Variants in IDO2 observed in about 807,000 individuals in gnomAD.
IDO2 encodes indoleamine 2,3-dioxygenase-like 1 protein.
IDO2 carries 46 observed loss-of-function variants against 45.1 expected under a neutral mutation model. That is an observed-to-expected ratio of 1.02 (90% CI 0.80 to 1.30). The LOEUF is 1.30. IDO2 is among the 50% of genes most tolerant of loss of function. The pLI, the probability that IDO2 is intolerant of heterozygous loss-of-function variation, is 0.00. For missense variants in IDO2, 544 were observed against 491.8 expected, an observed-to-expected ratio of 1.11 and a Z score of -1.00; for synonymous variants, 218 against 184.9, an observed-to-expected ratio of 1.18 and a Z score of -1.45.
intron 9 of IDO2, among the ~76,000 whole-genome samples, chr8:40,006,946 C>T (rs771388437): frequency 1.3e-5 from 2 of 152,120 alleles, no homozygotes; most frequent in Non-Finnish European, 2.9e-5. Flanking sequence ...CAGGCTTGAG[C>T]CACCACGTCT....
chr8:39,980,907 G>T (rs1294950517), intron 4 of IDO2, among the ~76,000 whole-genome samples: 1 of 151,672 alleles, frequency 6.6e-6, no homozygotes, highest in African/African-American at 2.4e-5. Context: ...CTGCCGCCAC[G>T]GCCAGCTAAT....
chr8:40,011,022 T>C (rs1409707830), intron 9 of IDO2, among the ~76,000 whole-genome samples: 4 of 152,188 alleles, frequency 2.6e-5, no homozygotes, highest in Non-Finnish European at 4.4e-5. Context: ...GCGATACTCC[T>C]GCCTCAGCCT....
intron 1 of IDO2, among the ~76,000 whole-genome samples, chr8:39,943,548 T>C (rs1807680985): frequency 6.6e-6 from 1 of 151,832 alleles, no homozygotes; most frequent in African/African-American, 2.4e-5. Flanking sequence ...CCATCCTGGC[T>C]AACACAGTGA....
At chr8:39,943,907 A>G (rs1244034667) in intron 1 of IDO2, among the ~76,000 whole-genome samples, 1 of 152,176 alleles carries the variant, frequency 6.6e-6, no homozygotes, top group East Asian at 1.9e-4. Context: ...GGGGAAGTGG[A>G]TAATTGAGAA....
intron 1 of IDO2, among the ~76,000 whole-genome samples, chr8:39,948,639 A>G (rs1807773309): frequency 6.6e-6 from 1 of 152,192 alleles, no homozygotes; most frequent in Non-Finnish European, 1.5e-5. Context: ...AGAGAACATG[A>G]GGAAACTTGG....
chr8:39,957,258 T>C (rs957947893), intron 2 of IDO2, among the ~76,000 whole-genome samples: 1 of 152,094 alleles, frequency 6.6e-6, no homozygotes, highest in African/African-American at 2.4e-5. Flanking sequence ...CCTTGTTTCC[T>C]TATTTCCATT....
intron 1 of IDO2, among the ~76,000 whole-genome samples, chr8:39,936,594 A>G (rs1807555406): frequency 6.6e-6 from 1 of 152,234 alleles, no homozygotes; most frequent in Non-Finnish European, 1.5e-5. Flanking sequence ...TATATACCAC[A>G]GGGAAAGACA....
At chr8:39,972,243 A>G (rs77502239) in intron 3 of IDO2, among the ~76,000 whole-genome samples, 1 of 150,734 alleles carries the variant, frequency 6.6e-6, no homozygotes, top group Non-Finnish European at 1.5e-5. Context: ...TTGAAATGAT[A>G]AAAAAAAATT....
exon 11 of IDO2, chr8:40,016,121 A>G: frequency 2.5e-6 from 1 of 394,296 alleles, no homozygotes; most frequent in Non-Finnish European, 4.5e-6. Flanking sequence ...AGATGGGAAG[A>G]TAGAGGATGC....
intron 2 of IDO2, among the ~76,000 whole-genome samples, chr8:39,958,066 C>T (rs139567123): frequency 0.012 from 1,890 of 151,614 alleles, 45 homozygotes; most frequent in African/African-American, 0.043. Context: ...CCACCATGCC[C>T]GGCTCATTTT....
In IDO2 at chr8:39,998,652, T is replaced by C. The variant is rs554005182; in HGVS notation, c.668-6675T>C. Among the ~76,000 whole-genome samples the C allele has an allele frequency of 0.013, 1,950 of 147,476 alleles. 125 individuals are homozygous for C. In the East Asian group the frequency reaches 0.16, roughly 12 times the overall value. On this transcript the variant is annotated intron_variant, in intron 8 of 10. Coordinates refer to ENST00000502986, the Ensembl canonical transcript of IDO2. ...TTTTTCTTCTTCTTTTTTTTTTTTT[T>C]TTTTTTTTGACAGAGTCTCATTCTG...
chr8:39,956,373 T>C (rs1181574638), intron 2 of IDO2, among the ~76,000 whole-genome samples: 1 of 152,190 alleles, frequency 6.6e-6, no homozygotes, highest in Non-Finnish European at 1.5e-5. Context: ...ATTAGATGCC[T>C]TCTCATGCTT....
At chr8:39,942,404 G>A (rs1300277531) in intron 1 of IDO2, among the ~76,000 whole-genome samples, 1 of 152,194 alleles carries the variant, frequency 6.6e-6, no homozygotes, top group East Asian at 1.9e-4. Flanking sequence ...AGCATTTTGG[G>A]AGGTTGAGGC....
chr8:40,013,530 A>G, intron 9 of IDO2, 35 bp from the exon 10 acceptor site: 1 of 1,594,670 alleles, frequency 6.3e-7, no homozygotes, highest in Non-Finnish European at 8.6e-7. Context: ...ACCTCCCTGC[A>G]CCCCTTTCAT....
intron 2 of IDO2, among the ~76,000 whole-genome samples, chr8:39,960,969 G>C (rs898214899): frequency 2.6e-5 from 4 of 152,084 alleles, no homozygotes; most frequent in African/African-American, 9.7e-5. Context: ...ATTTTTAGTA[G>C]AGACGGGGTT....
exon 11 of IDO2, chr8:40,015,382 A>T: frequency 6.2e-7 from 1 of 1,613,890 alleles, no homozygotes; most frequent in African/African-American, 1.3e-5. Context: ...GCTTATAACC[A>T]GTGTGTGCAG....
At chr8:40,008,326 A>G (rs1183318152) in intron 9 of IDO2, among the ~76,000 whole-genome samples, 3 of 152,082 alleles carry the variant, frequency 2.0e-5, no homozygotes, top group Non-Finnish European at 4.4e-5. Context: ...GATTACAGGC[A>G]TGAGCCATCA....
rs539682921 is a variant in IDO2, at chr8:39,974,045, A to G, written c.196-5022A>G. On this transcript the variant is annotated intron_variant, in intron 3 of 10. Coordinates refer to ENST00000502986, the Ensembl canonical transcript of IDO2. ...GTGAGCCACTGTGCCCAGCCAAAATAATGTTTGTATTGGTGTGCTATGCCA... is the reference window on the plus strand; with the variant it reads ...GTGAGCCACTGTGCCCAGCCAAAATGATGTTTGTATTGGTGTGCTATGCCA... Among the ~76,000 whole-genome samples the G allele has an allele frequency of 2.0e-5, 3 of 152,236 alleles. No homozygotes were observed. In the South Asian group the frequency reaches 6.2e-4, roughly 32 times the overall value.
At chr8:39,963,802 G>C (rs1563428931) in intron 3 of IDO2, 99 bp downstream of exon 3, 5 of 688,900 alleles carry the variant, frequency 7.3e-6, no homozygotes, top group Non-Finnish European at 9.9e-6. Context: ...CTGGGAAACT[G>C]TTCATTACCA....
Sources: gnomAD v4.1 joint callset for allele counts (sites outside exome capture counted in the v4.1 genomes callset) on GRCh38, gnomAD v4.1.1 for gene constraint, MANE v1.5 for transcripts, NCBI Gene and HGNC (gene_info 2026-07-23, HGNC 2026-07-21) for gene names.